The following NALF1 variants were observed in gnomAD, a reference collection of about 807,000 sequenced individuals.
NALF1 encodes family with sequence similarity 155 member A.
NALF1 carries 3 observed loss-of-function variants against 48.4 expected under a neutral mutation model. That is an observed-to-expected ratio of 0.06 (90% confidence interval 0.03 to 0.16). NALF1 has a LOEUF of 0.16. Among genes scored for constraint, NALF1 ranks in the 10% least tolerant of loss-of-function variants. The pLI is 1.00. For missense variants in NALF1, 526 were observed against 571.5 expected, an observed-to-expected ratio of 0.92 and a Z score of 0.81; for synonymous variants, 262 against 245.7, an observed-to-expected ratio of 1.07 and a Z score of -0.62.
rs898524029 is a variant in NALF1 at position 107,170,511 on chromosome 13, T to C, written c.1363A>G (p.Thr455Ala). The change falls in exon 3 of 3, where the codon ACC becomes GCC. Residue 455 changes from threonine (T) to alanine (A), a missense_variant. Physicochemically the swap from Thr to Ala is moderately conservative, Grantham distance 58. This residue lies in a region of NALF1 where 153 missense variants were observed against 215.9 expected (regional missense o/e 0.71). Transcript: ENST00000375915. ...GGINTLEENS[T>A]NEE ...TCGTCCTTCCGTTACTCCTCATTGG[T>C]TGAGTTTTCTTCCAGCGTGTTGATG... is the stretch of plus-strand genomic sequence containing the variant. 1.0e-5 allele frequency: 16 copies of C among 1,600,410 alleles called. No individual in the cohort carries two copies. Among genetic ancestry groups the C allele is most frequent in the African/African-American group, 1.3e-5 (1 of 74,760 alleles).
intron 1 of NALF1, among the ~76,000 whole-genome samples, chr13:107,510,702 AT>A (rs1203513162): frequency 6.6e-6 from 1 of 152,132 alleles, no homozygotes; most frequent in Non-Finnish European, 1.5e-5. Flanking sequence ...GCTGAACTCA[AT>A]TTCACAGAAC....
At chr13:107,255,653 C>A (rs1160099394) in intron 1 of NALF1, among the ~76,000 whole-genome samples, 1 of 152,152 alleles carries the variant, frequency 6.6e-6, no homozygotes. Context: ...TCAACATATA[C>A]CAAGTATATA....
intron 1 of NALF1, among the ~76,000 whole-genome samples, chr13:107,479,435 A>G (rs1245167489): frequency 2.6e-5 from 4 of 152,148 alleles, no homozygotes; most frequent in Non-Finnish European, 5.9e-5. Flanking sequence ...TCTGTTACAT[A>G]TCTATCAAAG....
At chr13:107,564,620 T>A (rs984936091) in intron 1 of NALF1, among the ~76,000 whole-genome samples, 6 of 152,158 alleles carry the variant, frequency 3.9e-5, no homozygotes, top group Non-Finnish European at 5.9e-5. Context: ...ACGCTCCACA[T>A]ATAAAGTATG....
intron 1 of NALF1, among the ~76,000 whole-genome samples, chr13:107,668,805 G>A (rs1349572942): frequency 6.6e-6 from 1 of 151,828 alleles, no homozygotes; most frequent in African/African-American, 2.4e-5. Flanking sequence ...TTTAGTTATG[G>A]TTCATAACCT....
intron 1 of NALF1, among the ~76,000 whole-genome samples, chr13:107,509,060 T>C (rs1413286012): frequency 2.0e-5 from 3 of 152,174 alleles, no homozygotes; most frequent in Non-Finnish European, 4.4e-5. Context: ...TTGAGATGTA[T>C]ATATGCCTGT....
intron 1 of NALF1, among the ~76,000 whole-genome samples, chr13:107,841,044 GA>G (rs1880030646): frequency 6.6e-6 from 1 of 152,034 alleles, no homozygotes; most frequent in Non-Finnish European, 1.5e-5. Context: ...ATATGCTCTT[GA>G]GGGGCAGGGG....
At chr13:107,472,949 C>T (rs1885124063) in intron 1 of NALF1, among the ~76,000 whole-genome samples, 1 of 152,186 alleles carries the variant, frequency 6.6e-6, no homozygotes, top group African/African-American at 2.4e-5. Flanking sequence ...GCATGCTCCT[C>T]TTTTGCTGCT....
chr13:107,761,802 T>C (rs1006162665), intron 1 of NALF1, among the ~76,000 whole-genome samples: 1 of 152,224 alleles, frequency 6.6e-6, no homozygotes, highest in Non-Finnish European at 1.5e-5. Context: ...CTGTTACTTA[T>C]GAACTGTGTC....
At chr13:107,604,252 G>A (rs929975156) in intron 1 of NALF1, among the ~76,000 whole-genome samples, 2 of 152,146 alleles carry the variant, frequency 1.3e-5, no homozygotes, top group Non-Finnish European at 2.9e-5. Context: ...CTTTCATGCT[G>A]TTTAGAGGGC....
chr13:107,403,645 T>C (rs1309384001), intron 1 of NALF1, among the ~76,000 whole-genome samples: 1 of 151,960 alleles, frequency 6.6e-6, no homozygotes, highest in Non-Finnish European at 1.5e-5. Context: ...AAAAGTGGTC[T>C]ACAGTTTTAA....
intron 1 of NALF1, among the ~76,000 whole-genome samples, chr13:107,339,966 C>A (rs1026321760): frequency 6.6e-6 from 1 of 151,902 alleles, no homozygotes; most frequent in Non-Finnish European, 1.5e-5. Flanking sequence ...CTTTTCAATT[C>A]TCTCATTATA....
At chr13:107,417,007 C>A (rs1343088959) in intron 1 of NALF1, among the ~76,000 whole-genome samples, 1 of 152,226 alleles carries the variant, frequency 6.6e-6, no homozygotes, top group African/African-American at 2.4e-5. Context: ...CACGGTGGCA[C>A]CTTGTGCCAA....
intron 1 of NALF1, among the ~76,000 whole-genome samples, chr13:107,480,455 T>A (rs765815661): frequency 2.0e-5 from 3 of 152,214 alleles, no homozygotes; most frequent in Non-Finnish European, 4.4e-5. Context: ...TCCAAATTGC[T>A]ACATGTCTTG....
intron 1 of NALF1, among the ~76,000 whole-genome samples, chr13:107,215,804 T>G (rs1261789819): frequency 2.6e-5 from 4 of 152,042 alleles, no homozygotes; most frequent in Non-Finnish European, 5.9e-5. Context: ...ATAGCTAATC[T>G]GTGCAGAACC....
At chr13:107,772,929 T>C (rs757691997) in intron 1 of NALF1, among the ~76,000 whole-genome samples, 3 of 152,230 alleles carry the variant, frequency 2.0e-5, no homozygotes, top group Non-Finnish European at 4.4e-5. Context: ...TTAAATTGTA[T>C]GCAATGTAAA....
intron 1 of NALF1, among the ~76,000 whole-genome samples, chr13:107,647,254 T>C (rs1018586649): frequency 5.3e-5 from 8 of 151,908 alleles, no homozygotes; most frequent in African/African-American, 1.9e-4. Flanking sequence ...CCTGGAAAAA[T>C]ACAAGAACAT....
At chr13:107,703,945 A>G (rs1435542011) in intron 1 of NALF1, among the ~76,000 whole-genome samples, 3 of 152,082 alleles carry the variant, frequency 2.0e-5, no homozygotes, top group Non-Finnish European at 2.9e-5. Context: ...CATGGCCAAA[A>G]GGTTTTGGTT....
chr13:107,753,890 T>A (rs1341510165), intron 1 of NALF1, among the ~76,000 whole-genome samples: 1 of 152,100 alleles, frequency 6.6e-6, no homozygotes, highest in Non-Finnish European at 1.5e-5. Context: ...AGTTTCCATT[T>A]GGTTGCAGAT....
Sources: gnomAD v4.1 joint callset for allele counts (sites outside exome capture counted in the v4.1 genomes callset) on GRCh38, gnomAD v4.1.1 for gene constraint, gnomAD v4.1.1 regional missense constraint, MANE v1.5 for transcripts, NCBI Gene and HGNC (gene_info 2026-07-23, HGNC 2026-07-21) for gene names.